The following ATP2B2 variants were observed in gnomAD, a reference collection of about 807,000 sequenced individuals.
The protein encoded by ATP2B2 is plasma membrane calcium-transporting ATPase 2.
In ATP2B2, 15 loss-of-function variants were observed where a neutral mutation model predicts 120.0. That is an observed-to-expected ratio of 0.12 (90% confidence interval 0.08 to 0.19). The LOEUF (loss-of-function observed/expected upper bound fraction) is 0.19, where lower values mean the gene tolerates loss of function less well. Among genes scored for constraint, ATP2B2 ranks in the 10% least tolerant of loss-of-function variants. The probability of loss-of-function intolerance (pLI) is 1.00; values close to 1 mark genes in which losing one functional copy is unlikely to be tolerated. For missense variants in ATP2B2, 1,045 were observed against 1,719.8 expected, an observed-to-expected ratio of 0.61 and a Z score of 6.94; for synonymous variants, 694 against 700.3, an observed-to-expected ratio of 0.99 and a Z score of 0.14.
At chr3:10,608,948 T>G (rs1230866266) in intron 2 of ATP2B2, among the ~76,000 whole-genome samples, 3 of 152,142 alleles carry the variant, frequency 2.0e-5, no homozygotes, top group South Asian at 2.1e-4. Flanking sequence ...GCTCAGGTCC[T>G]TTGGGGAAGT....
rs2067744755 is a variant in ATP2B2 at position 10,554,843 on chromosome 3, G to A, written c.-414-20710C>T. Among the ~76,000 whole-genome samples, 4 of 152,218 alleles carry A rather than the reference G, an allele frequency of 2.6e-5. No individual in the cohort carries two copies. In the South Asian group the frequency reaches 8.3e-4, roughly 32 times the overall value. Reference sequence around the variant, plus strand: ...AAAATGATTTACTCAAGGTCCCAAAGCAAGTAACACAAACAGTGACAGGCA... The same window carrying A: ...AAAATGATTTACTCAAGGTCCCAAAACAAGTAACACAAACAGTGACAGGCA... On this transcript the variant is annotated intron_variant, in intron 2 of 21. Transcript: ENST00000646379.
intron 2 of ATP2B2, among the ~76,000 whole-genome samples, chr3:10,593,074 C>T (rs2068682095): frequency 1.3e-5 from 2 of 152,226 alleles, no homozygotes; most frequent in African/African-American, 2.4e-5. Flanking sequence ...GCGTGAACCA[C>T]CACGCCCAGC....
intron 1 of ATP2B2, among the ~76,000 whole-genome samples, chr3:10,696,174 C>T (rs958824427): frequency 6.6e-6 from 1 of 152,212 alleles, no homozygotes; most frequent in Non-Finnish European, 1.5e-5. Context: ...AACATGGAAA[C>T]TGTCCAGGGT....
intron 11 of ATP2B2, among the ~76,000 whole-genome samples, chr3:10,374,863 G>A (rs2061339460): frequency 6.6e-6 from 1 of 152,236 alleles, no homozygotes; most frequent in African/African-American, 2.4e-5. Flanking sequence ...CCCAAGGGGA[G>A]GAGGCTTCTA....
chr3:10,355,458 G>C (rs906899118), intron 14 of ATP2B2, among the ~76,000 whole-genome samples: 2 of 152,212 alleles, frequency 1.3e-5, no homozygotes, highest in Admixed American at 1.3e-4. Flanking sequence ...GGGAAGATGG[G>C]AGGGTAAGTC....
In ATP2B2 at chr3:10,516,153, C is replaced by T. The variant is rs1451218362; in HGVS notation, c.-320+17886G>A. 5.3e-5 allele frequency among the ~76,000 whole-genome samples: 8 copies of T among 152,220 alleles called. No homozygotes were observed. In the South Asian group the frequency reaches 8.3e-4, roughly 16 times the overall value. On this transcript the variant is annotated intron_variant, in intron 3 of 21. Coordinates refer to the ATP2B2 transcript ENST00000646379. ...CACACCACAGAACCCTGGGCAGGCCCGCAACATGGTTACCTGGAGTTCATT... is the reference window on the plus strand; with the variant it reads ...CACACCACAGAACCCTGGGCAGGCCTGCAACATGGTTACCTGGAGTTCATT...
intron 3 of ATP2B2, among the ~76,000 whole-genome samples, chr3:10,409,763 G>A (rs890714488): frequency 1.3e-5 from 2 of 152,110 alleles, no homozygotes; most frequent in African/African-American, 4.8e-5. Flanking sequence ...GGGAAAATGA[G>A]GCCCATAATG....
intron 2 of ATP2B2, among the ~76,000 whole-genome samples, chr3:10,562,085 C>A (rs749432124): frequency 1.3e-5 from 2 of 152,172 alleles, no homozygotes; most frequent in African/African-American, 2.4e-5. Flanking sequence ...TCTTAGAGGA[C>A]TCAGAATGTG....
At chr3:10,355,166 C>T (rs889651197) in intron 14 of ATP2B2, among the ~76,000 whole-genome samples, 1 of 152,210 alleles carries the variant, frequency 6.6e-6, no homozygotes, top group Non-Finnish European at 1.5e-5. Flanking sequence ...TGAATCAACA[C>T]GTCTGAGCTC....
chr3:10,535,051 A>T lies in ATP2B2; in HGVS notation c.-414-918T>A, dbSNP rs562445109. On this transcript the variant is annotated intron_variant, in intron 2 of 21. Transcript: ENST00000646379. Reference sequence around the variant, plus strand: ...CCCAAGGGGCCAGGATTACAGGCACATGCTGCCATGCCTGACTAACTTTTT... The same window carrying T: ...CCCAAGGGGCCAGGATTACAGGCACTTGCTGCCATGCCTGACTAACTTTTT... 6.6e-5 allele frequency among the ~76,000 whole-genome samples: 10 copies of T among 151,706 alleles called. No homozygotes were observed. The South Asian group carries it at 1.7e-3, about 25-fold the overall frequency.
At chr3:10,475,957 C>T (rs1424227485) in intron 1 of ATP2B2, among the ~76,000 whole-genome samples, 3 of 152,174 alleles carry the variant, frequency 2.0e-5, no homozygotes, top group African/African-American at 7.2e-5. Context: ...TTTATAACCC[C>T]ATCCTCCCAC....
intron 3 of ATP2B2, among the ~76,000 whole-genome samples, chr3:10,525,467 C>A (rs1298806089): frequency 6.6e-6 from 1 of 152,218 alleles, no homozygotes; most frequent in Non-Finnish European, 1.5e-5. Context: ...TTCACATCTT[C>A]TATTAGAATG....
At chr3:10,416,553 C>A (rs1411871171) in intron 2 of ATP2B2, among the ~76,000 whole-genome samples, 2 of 152,194 alleles carry the variant, frequency 1.3e-5, no homozygotes, top group African/African-American at 4.8e-5. Context: ...TGTGCCCAGA[C>A]CTATTAGAGT....
At position 10,327,805 on chromosome 3, in the gene ATP2B2, G is replaced by A. The variant is rs1047052699; in HGVS notation, c.*1009C>T. 1 of 152,628 alleles carries A rather than the reference G, an allele frequency of 6.6e-6. No homozygotes were observed. The highest frequency in any genetic ancestry group is 2.4e-5 in the African/African-American group (1 of 41,440). The allele number at this position is 152,628 out of a possible 1,614,324, so 9.5% of individuals were successfully genotyped here. On this transcript the variant is annotated 3_prime_UTR_variant, in exon 23 of 23. Transcript: ENST00000360273. The stretch of plus-strand genomic sequence containing the variant: ...GTTAAACCCCTCAGGATGGCAACTC[G>A]GTAGCATTTGGCTTCTGCCTGAGCC...
chr3:10,607,479 G>C (rs540944983), intron 2 of ATP2B2, among the ~76,000 whole-genome samples: 3 of 152,332 alleles, frequency 2.0e-5, no homozygotes, highest in Admixed American at 2.0e-4. Flanking sequence ...AGCCAAGGCA[G>C]TGCCCCATTA....
chr3:10,329,235 G>T lies in ATP2B2; in HGVS notation c.3421-110C>A. 1 of 1,096,980 alleles carries T rather than the reference G, an allele frequency of 9.1e-7. No individual in the cohort carries two copies. Among genetic ancestry groups the T allele is most frequent in the Non-Finnish European group, 1.4e-6 (1 of 727,374 alleles). The allele number at this position is 1,096,980 out of a possible 1,614,324, so 68.0% of individuals were successfully genotyped here. The stretch of plus-strand genomic sequence containing the variant: ...AGGGTTAGGGCAAAGCAGGTGGCTG[G>T]AATCCATAGTCGCTGGGTGTTATTA... On this transcript the variant is annotated intron_variant, in intron 22 of 22. Transcript: ENST00000360273. This position sits in a 1 kb window ranked among gnomAD's most constrained non-coding sequence, Gnocchi z 5.9.
intron 2 of ATP2B2, chr3:10,566,192 C>A (rs2068005663): frequency 6.6e-6 from 1 of 152,226 alleles, no homozygotes; most frequent in African/African-American, 2.4e-5. Context: ...TCTGTTGATA[C>A]CCACTGTTCA....
chr3:10,408,508 T>C (rs889037985), intron 3 of ATP2B2, among the ~76,000 whole-genome samples: 13 of 152,156 alleles, frequency 8.5e-5, no homozygotes, highest in Non-Finnish European at 1.8e-4. Flanking sequence ...GAACTTTTGA[T>C]CCCAGTGAAG....
At chr3:10,474,237 G>C (rs961034787) in intron 1 of ATP2B2, among the ~76,000 whole-genome samples, 1 of 152,148 alleles carries the variant, frequency 6.6e-6, no homozygotes, top group Non-Finnish European at 1.5e-5. Context: ...GCAGGCTTTT[G>C]GGGGTGGGTG....
Sources: gnomAD v4.1 joint callset for allele counts (sites outside exome capture counted in the v4.1 genomes callset) on GRCh38, gnomAD v4.1.1 for gene constraint, Gnocchi (gnomAD v3.1) non-coding constraint, MANE v1.5 for transcripts, NCBI Gene and HGNC (gene_info 2026-07-23, HGNC 2026-07-21) for gene names.